The following PCCA variants were observed in gnomAD, a reference collection of about 807,000 sequenced individuals.
PCCA encodes the protein propionyl-CoA carboxylase subunit alpha, also known as propionyl-CoA carboxylase alpha chain, mitochondrial.
In PCCA, 74 loss-of-function variants were observed where a neutral mutation model predicts 101.3. The ratio of observed to expected loss-of-function variants is 0.73; its 90% CI spans 0.61 to 0.89. The LOEUF (loss-of-function observed/expected upper bound fraction) is 0.89, where lower values mean the gene tolerates loss of function less well. Among genes scored for constraint, PCCA ranks in the 40% least tolerant of loss-of-function variants. The pLI, the probability that PCCA is intolerant of heterozygous loss-of-function variation, is 0.00. For missense variants in PCCA, 891 were observed against 907.0 expected (o/e 0.98, Z 0.23); for synonymous variants, 294 against 313.6 (o/e 0.94, Z 0.66).
intron 6 of PCCA, among the ~76,000 whole-genome samples, chr13:100,201,464 A>G (rs1000773845): frequency 6.6e-6 from 1 of 152,204 alleles, no homozygotes; most frequent in South Asian, 2.1e-4. Flanking sequence ...TCAGTTTCAT[A>G]TAATTTTTAT....
chr13:100,136,793 T>C (rs1051842498), intron 4 of PCCA, among the ~76,000 whole-genome samples: 1 of 152,162 alleles, frequency 6.6e-6, no homozygotes, highest in East Asian at 1.9e-4. Flanking sequence ...TTTTCTTCTT[T>C]TCTTAGTCTT....
At chr13:100,449,208 T>C (rs1017395446) in intron 20 of PCCA, 44 bp from the exon 21 acceptor site, 2 of 1,219,924 alleles carry the variant, frequency 1.6e-6, no homozygotes, top group African/African-American at 3.0e-5. Context: ...ACATACAAGC[T>C]GTGCAGATAT....
intron 12 of PCCA, among the ~76,000 whole-genome samples, chr13:100,278,147 T>G (rs1011728212): frequency 3.3e-5 from 5 of 152,346 alleles, no homozygotes; most frequent in African/African-American, 1.2e-4. Flanking sequence ...AAATGTATCT[T>G]TATAACTAAG....
intron 21 of PCCA, among the ~76,000 whole-genome samples, chr13:100,470,552 G>A (rs1248100953): frequency 4.0e-5 from 6 of 151,756 alleles, no homozygotes; most frequent in African/African-American, 1.2e-4. Context: ...CCAAGCCCAG[G>A]GACATAATTG....
intron 17 of PCCA, among the ~76,000 whole-genome samples, chr13:100,338,144 T>C (rs9582385): frequency 0.29 from 44,789 of 152,116 alleles, 7,183 homozygotes; most frequent in African/African-American, 0.42. Context: ...CCAGTCAGTC[T>C]GCTGGTGAAG....
At chr13:100,179,211 C>T (rs933499958) in intron 6 of PCCA, among the ~76,000 whole-genome samples, 6 of 151,728 alleles carry the variant, frequency 4.0e-5, no homozygotes, top group Middle Eastern at 3.4e-3. Context: ...GTATTGCTTC[C>T]ATAAATAATT....
At chr13:100,467,362 G>A (rs1049963937) in intron 21 of PCCA, among the ~76,000 whole-genome samples, 6 of 152,056 alleles carry the variant, frequency 3.9e-5, no homozygotes, top group Non-Finnish European at 7.4e-5. Context: ...CTTGTATAGC[G>A]GGGGAGGAGT....
chr13:100,133,482 A>G (rs2050767789), intron 4 of PCCA, among the ~76,000 whole-genome samples: 1 of 152,210 alleles, frequency 6.6e-6, no homozygotes, highest in Admixed American at 6.5e-5. Context: ...ACTTCAGGCC[A>G]CGAAGATTTT....
At chr13:100,102,793 C>A in intron 1 of PCCA, 90 bp from the exon 2 acceptor site, 1 of 837,600 alleles carries the variant, frequency 1.2e-6, no homozygotes, top group South Asian at 1.4e-5. Flanking sequence ...CAGACACGTT[C>A]GCTAGAACCT....
chr13:100,112,066 G>C lies in PCCA; in HGVS notation c.300+5G>C, dbSNP rs1480979631. 3.7e-6 allele frequency: 6 copies of C among 1,606,136 alleles called. No individual in the cohort carries two copies. The highest frequency in any genetic ancestry group is 5.1e-6 in the Non-Finnish European group (6 of 1,174,696). The stretch of plus-strand genomic sequence containing the variant: ...AGTGATGTTGATGCTAGTTCTGTAA[G>C]TATATTTTTGCTTTGTTTAAATCAG... On this transcript the variant is annotated splice_donor_5th_base_variant and intron_variant, in intron 4 of 23. Coordinates refer to ENST00000376285, the MANE Select transcript of PCCA (RefSeq NM_000282.4).
chr13:100,259,535 A>G (rs939522470), intron 9 of PCCA, among the ~76,000 whole-genome samples: 107 of 151,930 alleles, frequency 7.0e-4, no homozygotes, highest in Admixed American at 6.6e-3. Context: ...GGGTTTCACC[A>G]TGTTGGCCAG....
chr13:100,481,738 C>T (rs1566424372), intron 21 of PCCA, among the ~76,000 whole-genome samples: 1 of 152,084 alleles, frequency 6.6e-6, no homozygotes, highest in African/African-American at 2.4e-5. Flanking sequence ...CCTCACACTA[C>T]TCAGAATGAC....
chr13:100,440,459 C>T (rs1341271863), intron 20 of PCCA, among the ~76,000 whole-genome samples: 2 of 151,204 alleles, frequency 1.3e-5, no homozygotes, highest in African/African-American at 2.4e-5. Flanking sequence ...ATTTTCTTTT[C>T]AGTTTTTTTT....
Position 100,289,984 on chromosome 13 carries a change from G to A in PCCA, c.1066-11476G>A, listed in dbSNP as rs550827281. Among the ~76,000 whole-genome samples the A allele has an allele frequency of 9.2e-5, 14 of 152,240 alleles. No individual in the cohort carries two copies. The South Asian group carries it at 1.5e-3, about 16-fold the overall frequency. The stretch of plus-strand genomic sequence containing the variant: ...ATGTGTGGAATATATGCTCTGAAAT[G>A]TCACATCCTCAACTATGTTTCTTTA... On this transcript the variant is annotated intron_variant, in intron 12 of 23. Coordinates refer to ENST00000376285, the MANE Select transcript of PCCA (RefSeq NM_000282.4).
At chr13:100,503,425 G>A (rs1466999785) in intron 21 of PCCA, among the ~76,000 whole-genome samples, 1 of 152,222 alleles carries the variant, frequency 6.6e-6, no homozygotes, top group South Asian at 2.1e-4. Context: ...AGGAGGTGGA[G>A]GTTGTGGTGA....
At chr13:100,128,572 A>G (rs903483826) in intron 4 of PCCA, among the ~76,000 whole-genome samples, 1 of 152,156 alleles carries the variant, frequency 6.6e-6, no homozygotes, top group Non-Finnish European at 1.5e-5. Flanking sequence ...ATGATGGATG[A>G]GAAGGAGTCA....
intron 6 of PCCA, among the ~76,000 whole-genome samples, chr13:100,159,769 G>A (rs2054263706): frequency 6.6e-6 from 1 of 152,104 alleles, no homozygotes; most frequent in Non-Finnish European, 1.5e-5. Context: ...GCTCCCATGC[G>A]TGGCTGGCTC....
chr13:100,199,433 A>C (rs1253078290), intron 6 of PCCA, among the ~76,000 whole-genome samples: 3 of 152,032 alleles, frequency 2.0e-5, no homozygotes, highest in Non-Finnish European at 4.4e-5. Context: ...TTCATGACTT[A>C]TCTGTTGAAG....
chr13:100,453,114 G>T (rs781052196), intron 21 of PCCA, among the ~76,000 whole-genome samples: 1 of 152,040 alleles, frequency 6.6e-6, no homozygotes, highest in Non-Finnish European at 1.5e-5. Flanking sequence ...GCCCAGGGAG[G>T]TCGAGGCTAC....
Sources: gnomAD v4.1 joint callset for allele counts (sites outside exome capture counted in the v4.1 genomes callset) on GRCh38, gnomAD v4.1.1 for gene constraint, MANE v1.5 for transcripts, NCBI Gene and HGNC (gene_info 2026-07-23, HGNC 2026-07-21) for gene names.